PTPRM: variants seen among roughly 807,000 people sequenced by gnomAD.
The protein encoded by PTPRM is receptor-type tyrosine-protein phosphatase mu.
Under a neutral mutation model 186.7 loss-of-function variants are expected in PTPRM, and 47 were observed. The ratio of observed to expected loss-of-function variants is 0.25; its 90% CI spans 0.20 to 0.32. The LOEUF is 0.32. Among genes scored for constraint, PTPRM ranks in the 10% least tolerant of loss-of-function variants. The probability of loss-of-function intolerance (pLI) is 1.00; values close to 1 mark genes in which losing one functional copy is unlikely to be tolerated. For synonymous variants in PTPRM, 668 were observed against 674.9 expected (o/e 0.99, Z 0.16); for missense variants, 1,494 against 1,865.0 (o/e 0.80, Z 3.66).
At chr18:8,240,767 A>AGAGAGAGAGG (rs1384168133) in intron 14 of PTPRM, among the ~76,000 whole-genome samples, 56 of 91,134 alleles carry the variant, frequency 6.1e-4, no homozygotes, top group African/African-American at 2.9e-3. Flanking sequence ...GGAGGGAGGG[A>AGAGAGAGAGG]GAGAGAGAGG....
chr18:7,972,172 G>A (rs1261273241), intron 7 of PTPRM, among the ~76,000 whole-genome samples: 1 of 125,476 alleles, frequency 8.0e-6, no homozygotes, highest in African/African-American at 3.9e-5. Flanking sequence ...GGACATGGAT[G>A]AAATTGGAAA....
chr18:7,912,024 G>A (rs192469729), intron 4 of PTPRM, among the ~76,000 whole-genome samples: 38 of 151,668 alleles, frequency 2.5e-4, no homozygotes, highest in African/African-American at 8.2e-4. Flanking sequence ...AGCTAATTTT[G>A]TATTTTTAGT....
At chr18:7,626,527 A>C (rs2038066507) in intron 1 of PTPRM, among the ~76,000 whole-genome samples, 1 of 152,124 alleles carries the variant, frequency 6.6e-6, no homozygotes, top group African/African-American at 2.4e-5. Flanking sequence ...GGGCATACAG[A>C]TGACTTCTGC....
Position 7,941,514 on chromosome 18 carries a change from T to C in PTPRM, c.664-7667T>C, listed in dbSNP as rs142087414. ...TTATTTTTATTGATGTTTATCTTGT[T>C]TTAATTTATTGTTTGGCTTTGTAGA... is the stretch of plus-strand genomic sequence containing the variant. On this transcript the variant is annotated intron_variant, in intron 5 of 32. Transcript: ENST00000580170. Among the ~76,000 whole-genome samples the C allele has an allele frequency of 3.3e-5, 5 of 152,398 alleles. No individual in the cohort carries two copies. The East Asian group carries it at 9.6e-4, about 29-fold the overall frequency.
chr18:8,206,533 C>A (rs2093933993), intron 14 of PTPRM, among the ~76,000 whole-genome samples: 1 of 152,140 alleles, frequency 6.6e-6, no homozygotes, highest in Non-Finnish European at 1.5e-5. Flanking sequence ...CAGTCGTGAA[C>A]CACCGCGCCT....
intron 1 of PTPRM, among the ~76,000 whole-genome samples, chr18:7,730,307 G>T (rs1439053985): frequency 6.6e-6 from 1 of 152,106 alleles, no homozygotes; most frequent in Non-Finnish European, 1.5e-5. Context: ...ATAAATTGTT[G>T]TCTGACACTG....
chr18:8,127,515 A>G (rs1391668071), intron 13 of PTPRM, among the ~76,000 whole-genome samples: 4 of 151,978 alleles, frequency 2.6e-5, no homozygotes, highest in Non-Finnish European at 5.9e-5. Flanking sequence ...AAAAAAAATA[A>G]CATCCTTGCC....
chr18:7,751,722 G>A (rs886176675), intron 1 of PTPRM, among the ~76,000 whole-genome samples: 8 of 152,098 alleles, frequency 5.3e-5, no homozygotes, highest in East Asian at 3.9e-4. Flanking sequence ...CCATCTTTTC[G>A]GTGTGACCTG....
chr18:7,919,547 T>TA (rs2050745740), intron 4 of PTPRM, among the ~76,000 whole-genome samples: 1 of 152,186 alleles, frequency 6.6e-6, no homozygotes, highest in Admixed American at 6.5e-5. Context: ...TACTGATTTC[T>TA]AGTTTTATTC....
At chr18:8,301,462 T>C (rs1419915258) in intron 20 of PTPRM, among the ~76,000 whole-genome samples, 1 of 152,172 alleles carries the variant, frequency 6.6e-6, no homozygotes, top group Non-Finnish European at 1.5e-5. Flanking sequence ...GGCAGCCCCC[T>C]TGCAGCCGGC....
At chr18:7,843,003 G>C (rs1205474719) in intron 2 of PTPRM, among the ~76,000 whole-genome samples, 1 of 145,128 alleles carries the variant, frequency 6.9e-6, no homozygotes, top group Non-Finnish European at 1.5e-5. Context: ...GGTTCCTCTG[G>C]AGATTCATGT....
chr18:8,353,856 C>A (rs1476083475), intron 23 of PTPRM, among the ~76,000 whole-genome samples: 1 of 152,114 alleles, frequency 6.6e-6, no homozygotes, highest in South Asian at 2.1e-4. Flanking sequence ...GCTTTGGCTG[C>A]ACTGAGGATA....
At chr18:8,376,626 C>T (rs1362026980) in intron 26 of PTPRM, 29 bp downstream of exon 26, 1 of 1,596,112 alleles carries the variant, frequency 6.3e-7, no homozygotes, top group African/African-American at 1.3e-5. Flanking sequence ...TAGCCTGGGG[C>T]CTTGGTCCCT....
chr18:8,248,277 G>T, intron 17 of PTPRM, 101 bp downstream of exon 17: 2 of 1,136,816 alleles, frequency 1.8e-6, no homozygotes, highest in South Asian at 2.5e-5. Context: ...ATAATGCAGT[G>T]ATTATAAGCA....
chr18:8,189,901 T>A (rs1159627889), intron 14 of PTPRM, among the ~76,000 whole-genome samples: 1 of 152,264 alleles, frequency 6.6e-6, no homozygotes, highest in Non-Finnish European at 1.5e-5. Flanking sequence ...TGCAGTCACT[T>A]TTTTACTTTA....
chr18:8,377,313 C>T (rs1351795703), intron 26 of PTPRM: 2 of 152,180 alleles, frequency 1.3e-5, no homozygotes, highest in East Asian at 3.8e-4. Flanking sequence ...ATGAAAGCCT[C>T]TGGGAAACCT....
chr18:8,079,513 A>G (rs2090011737), intron 9 of PTPRM, among the ~76,000 whole-genome samples: 1 of 152,314 alleles, frequency 6.6e-6, no homozygotes, highest in Non-Finnish European at 1.5e-5. Flanking sequence ...AAAATTTTAC[A>G]AGGTAGAAAC....
chr18:8,075,273 TA>T (rs2089736561), intron 8 of PTPRM, among the ~76,000 whole-genome samples: 1 of 152,110 alleles, frequency 6.6e-6, no homozygotes, highest in Non-Finnish European at 1.5e-5. Context: ...TATCTATATA[TA>T]TATATCTTTA....
chr18:7,634,640 C>T (rs555935316), intron 1 of PTPRM, among the ~76,000 whole-genome samples: 114 of 152,340 alleles, frequency 7.5e-4, no homozygotes, highest in African/African-American at 2.1e-3. Context: ...TATCACATTT[C>T]GCCTTTGTAA....
Sources: allele counts gnomAD v4.1 joint callset (sites outside exome capture counted in the v4.1 genomes callset), GRCh38; gene constraint gnomAD v4.1.1; transcripts MANE v1.5; gene names NCBI Gene and HGNC (gene_info 2026-07-23, HGNC 2026-07-21).